The following LAMA5 variants were observed in gnomAD, a reference collection of about 807,000 sequenced individuals.
LAMA5 encodes the protein laminin subunit alpha 5.
LAMA5 carries 260 observed loss-of-function variants against 433.4 expected under a neutral mutation model. That is an observed-to-expected ratio of 0.60 (90% CI 0.54 to 0.66). The LOEUF is 0.66. Ranked by LOEUF, LAMA5 falls within the 30% of genes least tolerant of loss-of-function variation. The pLI is 0.00. For synonymous variants in LAMA5, 2,620 were observed against 2,226.6 expected, an observed-to-expected ratio of 1.18 and a Z score of -4.97; for missense variants, 5,378 against 5,258.5, an observed-to-expected ratio of 1.02 and a Z score of -0.70.
chr20:62,356,890 G>T (rs1428980399), intron 2 of LAMA5, among the ~76,000 whole-genome samples: 1 of 152,258 alleles, frequency 6.6e-6, no homozygotes, highest in Non-Finnish European at 1.5e-5. Context: ...CCGCAGAGAC[G>T]CTGAGAGGCC....
At position 62,330,890 on chromosome 20, in the gene LAMA5, C is replaced by T; in HGVS notation, c.3705G>A (p.Arg1235=). 1 of 1,545,386 alleles carries T rather than the reference C, an allele frequency of 6.5e-7. No homozygotes were observed. The highest frequency in any genetic ancestry group is 8.7e-7 in the Non-Finnish European group (1 of 1,145,066). ...FPKPPQPIIL[R]DCQVIPLPPG... ...GCGGCAGCGGGATCACCTGGCAGTCCCTGAGGATGATGGGCTGGGGCGGCT... is the reference window on the plus strand; with the variant it reads ...GCGGCAGCGGGATCACCTGGCAGTCTCTGAGGATGATGGGCTGGGGCGGCT... The change falls in exon 30 of 80, where the codon AGG becomes AGA. Residue 1235 remains arginine (R), a synonymous_variant. Transcript: ENST00000252999.
At chr20:62,347,322 G>A (rs1162673956) in intron 6 of LAMA5, among the ~76,000 whole-genome samples, 1 of 152,128 alleles carries the variant, frequency 6.6e-6, no homozygotes, top group African/African-American at 2.4e-5. Flanking sequence ...GGGAGCAGGT[G>A]TGCACTGACC....
At chr20:62,352,934 A>G (rs940905492) in intron 3 of LAMA5, 200 bp downstream of exon 3, 7 of 523,596 alleles carry the variant, frequency 1.3e-5, no homozygotes, top group African/African-American at 9.8e-5. Context: ...CAGCCCCTGG[A>G]CTTGGCTGTG....
rs773475526 is a variant in LAMA5, at chr20:62,315,111, T to C, written c.7964A>G (p.Glu2655Gly). The change falls in exon 59 of 80, where the codon GAG (glutamate) becomes GGG (glycine). Residue 2655 changes from glutamate to glycine, a missense_variant. Physicochemically the swap from Glu to Gly is moderately conservative, Grantham distance 98 (BLOSUM62 -2). Coordinates refer to ENST00000252999, the MANE Select transcript of LAMA5 (RefSeq NM_005560.6). ...CTGGCCCTGCCACCGCTCCACATTC[T>C]CCTGCATGGCCTGCAGCTGGGACTG... The part of the protein sequence containing the change: ...RVQSQLQAMQ[E>G]NVERWQGQYE... The C allele has an allele frequency of 5.0e-6, 8 of 1,608,044 alleles. No homozygotes were observed. The highest frequency in any genetic ancestry group is 6.8e-6 in the Non-Finnish European group (8 of 1,179,716).
chr20:62,337,477 T>C, intron 16 of LAMA5, 113 bp downstream of exon 16: 1 of 1,406,656 alleles, frequency 7.1e-7, no homozygotes, highest in Non-Finnish European at 9.7e-7. Context: ...GCAGTCGCAG[T>C]ACACACAGCA....
intron 40 of LAMA5, 68 bp downstream of exon 40, chr20:62,326,609 C>A: frequency 1.5e-6 from 2 of 1,291,600 alleles, no homozygotes; most frequent in Non-Finnish European, 2.2e-6. Flanking sequence ...GCACTGGGAC[C>A]CCTTCCGGCC....
intron 38 of LAMA5, 103 bp from the exon 39 acceptor site, chr20:62,327,069 G>A: frequency 9.0e-7 from 1 of 1,112,550 alleles, no homozygotes; most frequent in Non-Finnish European, 1.3e-6. Context: ...CCTGTGCTGG[G>A]CCTGGATACT....
chr20:62,310,208 G>A lies in LAMA5; in HGVS notation c.10704C>T (p.Pro3568=), dbSNP rs776195092. 6.2e-7 allele frequency: 1 copy of A among 1,612,566 alleles called. No homozygotes were observed. Among genetic ancestry groups the A allele is most frequent in the South Asian group, 1.1e-5 (1 of 91,082 alleles). Reference sequence around the variant, plus strand: ...TCTCGGTCACCTGCAACTGCAAGTAGGGGGGCGTCCGGGCCTGGCCCAAGT... The same window carrying A: ...TCTCGGTCACCTGCAACTGCAAGTAAGGGGGCGTCCGGGCCTGGCCCAAGT... ...IFHLGQARTP[P]YLQLQVTEKQ... The change falls in exon 77 of 80, where the codon CCC becomes CCT. Residue 3568 remains proline (P), a synonymous_variant. Transcript: ENST00000252999.
At position 62,352,384 on chromosome 20, in the gene LAMA5, G is replaced by C. The variant is rs778778493; in HGVS notation, c.569-24C>G. 1.9e-6 allele frequency: 3 copies of C among 1,568,094 alleles called. No homozygotes were observed. In the African/African-American group the frequency reaches 4.0e-5, roughly 21 times the overall value. ...GGCTGCGGGGAATGGCGGGAGGGGA[G>C]GGCGCTGGATCACCAGAAAAGCCTG... On this transcript the variant is annotated intron_variant, in intron 3 of 79. Transcript: ENST00000252999.
intron 65 of LAMA5, 30 bp from the exon 66 acceptor site, chr20:62,313,040 G>C (rs1986492858): frequency 1.3e-6 from 2 of 1,596,550 alleles, no homozygotes; most frequent in Non-Finnish European, 8.5e-7. Flanking sequence ...TTAGTGTGGG[G>C]CAGGGTCAGT....
chr20:62,321,770 AGGAAGGGCCAGCAGAT>A (rs1601317809), intron 48 of LAMA5, among the ~76,000 whole-genome samples: 15 of 36,996 alleles, frequency 4.1e-4, no homozygotes, highest in Admixed American at 1.1e-3. Flanking sequence ...TCAGTGGGGG[AGGAAGGGCCAGCAGAT>A]GGGGTGGGGC....
intron 35 of LAMA5, 50 bp downstream of exon 35, chr20:62,328,191 C>T: frequency 2.6e-6 from 4 of 1,535,590 alleles, no homozygotes; most frequent in Non-Finnish European, 3.5e-6. Context: ...AGAGGAAATG[C>T]TGTCCTTAAG....
At chr20:62,329,544 A>G (rs1601341633) in intron 32 of LAMA5, among the ~76,000 whole-genome samples, 1 of 151,818 alleles carries the variant, frequency 6.6e-6, no homozygotes, top group African/African-American at 2.4e-5. Context: ...TGGAGGCCCC[A>G]CCTCCTCCAG....
intron 57 of LAMA5, chr20:62,316,315 A>G (rs1986925721): frequency 1.8e-6 from 1 of 567,156 alleles, no homozygotes; most frequent in Non-Finnish European, 3.2e-6. Flanking sequence ...GGCTCAGAAG[A>G]GACAGCCCTC....
intron 2 of LAMA5, among the ~76,000 whole-genome samples, chr20:62,360,165 C>T (rs1985814712): frequency 6.6e-6 from 1 of 150,808 alleles, no homozygotes; most frequent in Non-Finnish European, 1.5e-5. Flanking sequence ...CTGGCCTAGG[C>T]CGAGACAGGG....
Position 62,365,566 on chromosome 20 carries a change from CA to C in LAMA5, c.297+1382del, listed in dbSNP as rs555873997. Among the ~76,000 whole-genome samples the C allele has an allele frequency of 2.9e-3, 441 of 152,330 alleles. 2 individuals are homozygous for C. The highest frequency in any genetic ancestry group is 0.012 in the South Asian group (60 of 4,826). On this transcript the variant is annotated intron_variant, in intron 1 of 79. Transcript: ENST00000252999. ...CTCCCCTGCCAGAACGGCAAAATCT[CA>C]GCTGGGGACACTCAGCCAGGCCCTC...
At chr20:62,341,349 AG>A (rs1349961240) in intron 11 of LAMA5, among the ~76,000 whole-genome samples, 1 of 152,216 alleles carries the variant, frequency 6.6e-6, no homozygotes, top group Non-Finnish European at 1.5e-5. Context: ...ACCTAGCCAA[AG>A]GTATACTCTG....
chr20:62,320,911 C>CAGGTCAGTGTCATT (rs1255339580), intron 48 of LAMA5, 21 bp from the exon 49 acceptor site: 2 of 1,598,382 alleles, frequency 1.3e-6, no homozygotes, highest in Non-Finnish European at 1.7e-6. Flanking sequence ...TGTGGGGTCA[C>CAGGTCAGTGTCATT]AGGTCAGTGT....
Position 62,318,828 on chromosome 20 carries a change from G to A in LAMA5, c.7042+15C>T, listed in dbSNP as rs774454079. 49 of 1,609,404 alleles carry A rather than the reference G, an allele frequency of 3.0e-5. No individual in the cohort carries two copies. The highest frequency in any genetic ancestry group is 3.8e-5 in the Non-Finnish European group (45 of 1,179,114). On this transcript the variant is annotated intron_variant, in intron 52 of 79. Transcript: ENST00000252999. Reference sequence around the variant, plus strand: ...GCCTCTCCCCACCCCGCCTGCCAGGGACAACACCACTCACATCTCTGTGCT... The same window carrying A: ...GCCTCTCCCCACCCCGCCTGCCAGGAACAACACCACTCACATCTCTGTGCT...
Sources: gnomAD v4.1 joint callset for allele counts (sites outside exome capture counted in the v4.1 genomes callset) on GRCh38, gnomAD v4.1.1 for gene constraint, MANE v1.5 for transcripts, NCBI Gene and HGNC (gene_info 2026-07-23, HGNC 2026-07-21) for gene names.